Variants in SLC9D1 observed in about 807,000 individuals in gnomAD.
SLC9D1 encodes the protein putative LAG1-interacting protein.
chr13:113,548,436 G>GCGT, the SLC9D1 span: 86 of 1,610,496 alleles, frequency 5.3e-5, no homozygotes, highest in Non-Finnish European at 7.1e-5. Flanking sequence ...CGAAGAGCGG[G>GCGT]CGTCATCTCT....
the SLC9D1 span, among the ~76,000 whole-genome samples, chr13:113,541,267 A>T: frequency 2.0e-3 from 289 of 141,430 alleles, 17 homozygotes; most frequent in African/African-American, 7.3e-3. Context: ...TACCGCCGAG[A>T]TGTGTGGATG....
At chr13:113,532,610 C>T in the SLC9D1 span, among the ~76,000 whole-genome samples, 1 of 152,022 alleles carries the variant, frequency 6.6e-6, no homozygotes, top group Admixed American at 6.5e-5. Flanking sequence ...GGTGCTGGGC[C>T]CAGGGCCAGA....
the SLC9D1 span, among the ~76,000 whole-genome samples, chr13:113,515,188 T>C: frequency 6.6e-6 from 1 of 152,210 alleles, no homozygotes; most frequent in Non-Finnish European, 1.5e-5. Flanking sequence ...ATTATTATAA[T>C]TCAAAACAGC....
the SLC9D1 span, among the ~76,000 whole-genome samples, chr13:113,533,585 C>T: frequency 6.6e-6 from 1 of 152,230 alleles, no homozygotes; most frequent in African/African-American, 2.4e-5. Flanking sequence ...ATCACTTTCT[C>T]TGTGTCTGAA....
chr13:113,522,387 C>G, the SLC9D1 span, among the ~76,000 whole-genome samples: 1 of 152,326 alleles, frequency 6.6e-6, no homozygotes, highest in African/African-American at 2.4e-5. Context: ...GTCGCCCAGC[C>G]TGGAGTGCAG....
the SLC9D1 span, among the ~76,000 whole-genome samples, chr13:113,510,767 G>C: frequency 6.6e-6 from 1 of 152,242 alleles, no homozygotes; most frequent in African/African-American, 2.4e-5. Flanking sequence ...ATGTTTTGCT[G>C]CTTTAATTCT....
At chr13:113,542,404 G>C in the SLC9D1 span, among the ~76,000 whole-genome samples, 2 of 152,026 alleles carry the variant, frequency 1.3e-5, no homozygotes, top group Non-Finnish European at 2.9e-5. Flanking sequence ...TATTACCGCC[G>C]AGATGTGTGC....
At chr13:113,497,068 C>T in the SLC9D1 span, among the ~76,000 whole-genome samples, 4 of 152,198 alleles carry the variant, frequency 2.6e-5, no homozygotes, top group African/African-American at 7.2e-5. Flanking sequence ...CCTCCAGTTG[C>T]GTGCTTGACC....
the SLC9D1 span, chr13:113,549,812 C>CTT: frequency 1.8e-6 from 1 of 560,818 alleles, no homozygotes; most frequent in Non-Finnish European, 3.1e-6. Flanking sequence ...CCTGGATGTG[C>CTT]CTTTTTTTTT....
the SLC9D1 span, among the ~76,000 whole-genome samples, chr13:113,502,625 C>G: frequency 6.6e-6 from 1 of 152,206 alleles, no homozygotes; most frequent in Non-Finnish European, 1.5e-5. Context: ...GATGGCACTT[C>G]TGACAGGGAG....
the SLC9D1 span, among the ~76,000 whole-genome samples, chr13:113,525,734 C>G: frequency 5.3e-5 from 8 of 151,988 alleles, no homozygotes; most frequent in Admixed American, 5.2e-4. Flanking sequence ...CAGCTCTGTG[C>G]CGGTTATTCT....
chr13:113,539,773 TAGTG>T, the SLC9D1 span, among the ~76,000 whole-genome samples: 1 of 152,070 alleles, frequency 6.6e-6, no homozygotes, highest in South Asian at 2.1e-4. The surrounding 1 kb of genome is among the most constrained non-coding windows in gnomAD (Gnocchi z 4.8). Flanking sequence ...GTGACACGGG[TAGTG>T]AGTGTCACAG....
chr13:113,497,313 G>A, the SLC9D1 span, among the ~76,000 whole-genome samples: 1 of 151,908 alleles, frequency 6.6e-6, no homozygotes, highest in South Asian at 2.1e-4. Context: ...ATCTGCAGCT[G>A]TGTGCAAGAC....
chr13:113,531,272 A>G, the SLC9D1 span, among the ~76,000 whole-genome samples: 1 of 152,250 alleles, frequency 6.6e-6, no homozygotes, highest in East Asian at 1.9e-4. Context: ...GCTGATGGGA[A>G]GCTTGTCCAC....
At chr13:113,492,169 T>G in the SLC9D1 span, among the ~76,000 whole-genome samples, 3 of 152,226 alleles carry the variant, frequency 2.0e-5, no homozygotes, top group African/African-American at 7.2e-5. Flanking sequence ...AGAGACAGGG[T>G]CTTGCTGTGT....
the SLC9D1 span, among the ~76,000 whole-genome samples, chr13:113,503,331 A>G: frequency 7.7e-6 from 1 of 129,498 alleles, no homozygotes; most frequent in South Asian, 2.4e-4. Flanking sequence ...GGTTAATCGA[A>G]GTACACTGTG....
the SLC9D1 span, chr13:113,549,405 T>C: frequency 2.7e-4 from 433 of 1,612,738 alleles, 1 homozygote; most frequent in African/African-American, 5.2e-3. Context: ...TGTGACCCGC[T>C]CTGCACTTTG....
the SLC9D1 span, chr13:113,503,435 T>C: frequency 7.6e-7 from 1 of 1,317,490 alleles, no homozygotes; most frequent in Non-Finnish European, 1.1e-6. Context: ...GATTGTTGAG[T>C]TAAGTATACT....
At chr13:113,526,320 C>T in the SLC9D1 span, among the ~76,000 whole-genome samples, 2 of 152,080 alleles carry the variant, frequency 1.3e-5, no homozygotes, top group African/African-American at 4.8e-5. Flanking sequence ...TTTTAAGTGT[C>T]ATTACAAAAG....
Sources: allele counts gnomAD v4.1 joint callset (sites outside exome capture counted in the v4.1 genomes callset), GRCh38; gene constraint gnomAD v4.1.1; non-coding constraint Gnocchi (gnomAD v3.1); transcripts MANE v1.5; gene names NCBI Gene and HGNC (gene_info 2026-07-23, HGNC 2026-07-21).